The following VCF1 variants were observed in gnomAD, a reference collection of about 807,000 sequenced individuals.
The protein encoded by VCF1 is protein VCF1.
chr17:73,211,449 AT>A, the VCF1 span, among the ~76,000 whole-genome samples: 1 of 151,966 alleles, frequency 6.6e-6, no homozygotes, highest in Non-Finnish European at 1.5e-5. Flanking sequence ...GGCGGCTGTA[AT>A]CCCAGCTACT....
At chr17:73,225,880 A>T in the VCF1 span, among the ~76,000 whole-genome samples, 1 of 64,092 alleles carries the variant, frequency 1.6e-5, no homozygotes, top group Non-Finnish European at 3.4e-5. Context: ...ATATATATAT[A>T]TAATATATAT....
the VCF1 span, chr17:73,209,045 G>A: frequency 3.5e-4 from 69 of 195,680 alleles, no homozygotes; most frequent in Non-Finnish European, 5.6e-4. Flanking sequence ...TAGTATGGCA[G>A]TTAATTTCAG....
the VCF1 span, chr17:73,209,716 T>TTGA: frequency 3.9e-6 from 6 of 1,545,640 alleles, no homozygotes; most frequent in Non-Finnish European, 4.4e-6. Context: ...GTCCGGGCTA[T>TTGA]TGATGCTGCT....
the VCF1 span, among the ~76,000 whole-genome samples, chr17:73,213,470 A>G: frequency 3.9e-5 from 6 of 152,208 alleles, no homozygotes; most frequent in Non-Finnish European, 8.8e-5. Flanking sequence ...AGCAGTATAT[A>G]TAGTATATCA....
the VCF1 span, among the ~76,000 whole-genome samples, chr17:73,218,484 CACTTT>C: frequency 6.6e-6 from 1 of 151,144 alleles, no homozygotes; most frequent in Non-Finnish European, 1.5e-5. Flanking sequence ...GTATCACTTT[CACTTT>C]GTTTCCATTT....
chr17:73,227,356 G>T, the VCF1 span: 2 of 1,076,120 alleles, frequency 1.9e-6, no homozygotes, highest in Non-Finnish European at 2.6e-6. Flanking sequence ...ATATAAATTT[G>T]CCCTCTGGCC....
At chr17:73,217,653 A>C in the VCF1 span, among the ~76,000 whole-genome samples, 1 of 151,450 alleles carries the variant, frequency 6.6e-6, no homozygotes, top group Non-Finnish European at 1.5e-5. Flanking sequence ...TGCCTCAAAA[A>C]TAAAAAATAA....
the VCF1 span, among the ~76,000 whole-genome samples, chr17:73,224,887 C>CAGCAT: frequency 1.9e-5 from 1 of 53,144 alleles, no homozygotes; most frequent in Non-Finnish European, 4.3e-5. Context: ...CAGCACAGCA[C>CAGCAT]AGGACAGGAC....
chr17:73,216,320 C>G, the VCF1 span, among the ~76,000 whole-genome samples: 3 of 152,190 alleles, frequency 2.0e-5, no homozygotes, highest in Non-Finnish European at 2.9e-5. Context: ...GCTGGGCAGA[C>G]AGCAGGTGTT....
chr17:73,232,359 A>T, the VCF1 span: 2 of 1,480,614 alleles, frequency 1.4e-6, no homozygotes, highest in Non-Finnish European at 1.8e-6. Context: ...GCACCATCCC[A>T]ACCGCACCGA....
At chr17:73,229,785 T>C in the VCF1 span, among the ~76,000 whole-genome samples, 19 of 140,150 alleles carry the variant, frequency 1.4e-4, no homozygotes, top group Admixed American at 6.4e-4. Flanking sequence ...GGGGAACTGC[T>C]TGAACCCAGG....
chr17:73,214,156 G>C, the VCF1 span, among the ~76,000 whole-genome samples: 2 of 152,096 alleles, frequency 1.3e-5, no homozygotes, highest in African/African-American at 4.8e-5. Context: ...ACCAATGATA[G>C]TGTTAAACTA....
At chr17:73,231,417 C>G in the VCF1 span, among the ~76,000 whole-genome samples, 265 of 152,220 alleles carry the variant, frequency 1.7e-3, 1 homozygote, top group African/African-American at 6.1e-3. Context: ...ACCCGCGTCC[C>G]GAGGCCAGGC....
chr17:73,231,117 C>T, the VCF1 span, among the ~76,000 whole-genome samples: 1 of 152,206 alleles, frequency 6.6e-6, no homozygotes, highest in Admixed American at 6.5e-5. Context: ...CCACCTGCTA[C>T]ATGACCCAAA....
At chr17:73,223,772 G>A in the VCF1 span, among the ~76,000 whole-genome samples, 2 of 151,994 alleles carry the variant, frequency 1.3e-5, no homozygotes, top group African/African-American at 4.8e-5. Context: ...CAGAGGCCAG[G>A]AGTTCAAGAC....
chr17:73,232,166 G>A, the VCF1 span: 6 of 1,610,076 alleles, frequency 3.7e-6, no homozygotes, highest in African/African-American at 1.3e-5. Flanking sequence ...GAACAGAGGG[G>A]GTTGTGTTTC....
At chr17:73,225,904 T>A in the VCF1 span, among the ~76,000 whole-genome samples, 30,958 of 116,702 alleles carry the variant, frequency 0.27, 4,296 homozygotes, top group Non-Finnish European at 0.32. Flanking sequence ...TATATATTTT[T>A]TTTTTTTTTT....
At chr17:73,230,370 G>A in the VCF1 span, among the ~76,000 whole-genome samples, 5 of 151,800 alleles carry the variant, frequency 3.3e-5, no homozygotes, top group East Asian at 3.9e-4. Flanking sequence ...ACCTCTCTGC[G>A]GCTATCCAAT....
chr17:73,225,017 T>TAGGACAGGAC, the VCF1 span, among the ~76,000 whole-genome samples: 1 of 58,446 alleles, frequency 1.7e-5, no homozygotes, highest in Admixed American at 1.7e-4. Flanking sequence ...CAGCATAGGA[T>TAGGACAGGAC]AGGACAGGAC....
Sources: gnomAD v4.1 joint callset for allele counts (sites outside exome capture counted in the v4.1 genomes callset) on GRCh38, gnomAD v4.1.1 for gene constraint, MANE v1.5 for transcripts, NCBI Gene and HGNC (gene_info 2026-07-23, HGNC 2026-07-21) for gene names.